CHST3: variants seen among roughly 807,000 people sequenced by gnomAD.
CHST3 encodes carbohydrate sulfotransferase 3, also known as C6ST-1.
Under a neutral mutation model 35.4 loss-of-function variants are expected in CHST3, and 20 were observed. The ratio of observed to expected loss-of-function variants is 0.57; its 90% CI spans 0.40 to 0.82. CHST3 has a LOEUF of 0.82. CHST3 is among the 40% of genes least tolerant of loss of function. The pLI is 0.00. For missense variants in CHST3, 693 were observed against 670.1 expected (o/e 1.03, Z -0.38); for synonymous variants, 334 against 295.9 (o/e 1.13, Z -1.32).
In CHST3 at chr10:71,973,243, G is replaced by A. The variant is rs1407136208; in HGVS notation, c.-108+8549G>A. 5.3e-5 allele frequency among the ~76,000 whole-genome samples: 8 copies of A among 152,300 alleles called. No individual in the cohort carries two copies. The East Asian group carries it at 1.5e-3, about 29-fold the overall frequency. On this transcript the variant is annotated intron_variant, in intron 1 of 2. Transcript: ENST00000373115. ...GCCTCTTGAGGTCATTACCCCATGG[G>A]TATTGGGCTGGGATACTGAGGATGA... is the stretch of plus-strand genomic sequence containing the variant.
At chr10:71,972,326 T>G (rs1839703648) in intron 1 of CHST3, among the ~76,000 whole-genome samples, 2 of 152,228 alleles carry the variant, frequency 1.3e-5, no homozygotes, top group South Asian at 4.2e-4. Context: ...CAGGCATTCA[T>G]TTTCAAACCG....
At chr10:71,966,761 A>T (rs1839635583) in intron 1 of CHST3, among the ~76,000 whole-genome samples, 1 of 152,190 alleles carries the variant, frequency 6.6e-6, no homozygotes, top group Admixed American at 6.5e-5. Flanking sequence ...TATCCCTATG[A>T]GGTTAGCATT....
rs967031495 is a variant in CHST3, at chr10:71,995,223, G to A, written c.-107-10513G>A. 4.6e-5 allele frequency among the ~76,000 whole-genome samples: 7 copies of A among 151,986 alleles called. 1 individual carries two copies. In the Middle Eastern group the frequency reaches 0.01, roughly 222 times the overall value. On this transcript the variant is annotated intron_variant, in intron 1 of 2. Transcript: ENST00000373115. ...GCAGATCACTTAAGGTCAGGAGTTC[G>A]AGACCAGCCTGGCCAACCTGATGAA... is the stretch of plus-strand genomic sequence containing the variant.
intron 1 of CHST3, among the ~76,000 whole-genome samples, chr10:71,987,587 C>T (rs1839860285): frequency 6.6e-6 from 1 of 151,724 alleles, no homozygotes; most frequent in Admixed American, 6.6e-5. Flanking sequence ...GTGGTGGTGC[C>T]TAACTGTAAT....
chr10:71,991,654 C>T (rs762378658), intron 1 of CHST3, among the ~76,000 whole-genome samples: 11 of 152,154 alleles, frequency 7.2e-5, no homozygotes, highest in South Asian at 6.2e-4. Flanking sequence ...TTTACACGGC[C>T]GGGTGCAGTG....
At chr10:72,006,171 C>T (rs1171275097) in intron 2 of CHST3, among the ~76,000 whole-genome samples, 189 bp downstream of exon 2, 1 of 152,144 alleles carries the variant, frequency 6.6e-6, no homozygotes, top group African/African-American at 2.4e-5. Context: ...GAGACTTGGG[C>T]TCTGGACTCA....
Position 72,005,931 on chromosome 10 carries a change from T to G in CHST3, c.89T>G (p.Phe30Cys), listed in dbSNP as rs560427477. The G allele has an allele frequency of 1.6e-5, 26 of 1,614,232 alleles. No individual in the cohort carries two copies. In the South Asian group the frequency reaches 2.7e-4, roughly 17 times the overall value. ...MRSKYALFLVFVVIVFVFIEK... is the reference protein window; with the variant it reads ...MRSKYALFLVCVVIVFVFIEK... ...AGCAAATACGCCCTTTTCTTGGTTT[T>G]TGTGGTGATAGTTTTTGTCTTCATC... Residue 30 changes from phenylalanine to cysteine, a missense_variant, in exon 2 of 3, where the codon TTT becomes TGT. By Grantham distance (205) the Phe-to-Cys change is radical. Coordinates refer to ENST00000373115, the MANE Select transcript of CHST3 (RefSeq NM_004273.5).
chr10:71,987,186 T>C (rs1839854753), intron 1 of CHST3, among the ~76,000 whole-genome samples: 2 of 151,936 alleles, frequency 1.3e-5, no homozygotes, highest in African/African-American at 2.4e-5. Flanking sequence ...CCAAGACCCC[T>C]GTGGCCCCTC....
intron 1 of CHST3, among the ~76,000 whole-genome samples, chr10:71,987,444 T>C (rs1207285022): frequency 6.6e-6 from 1 of 152,110 alleles, no homozygotes; most frequent in African/African-American, 2.4e-5. Context: ...ACCGACGCAG[T>C]GACTCACATC....
In CHST3 at chr10:72,007,262, C is replaced by G; in HGVS notation, c.231C>G (p.Leu77=). 11 of 1,614,274 alleles carry G rather than the reference C, an allele frequency of 6.8e-6. No individual in the cohort carries two copies. Among genetic ancestry groups the G allele is most frequent in the Non-Finnish European group, 9.3e-6 (11 of 1,180,058 alleles). ...PALILAENAS[L]LSLSELDSAF... ...TGATCTTAGCTGAGAACGCATCTCTCTTGTCCCTGAGCGAGCTCGATTCAG... is the reference window on the plus strand; with the variant it reads ...TGATCTTAGCTGAGAACGCATCTCTGTTGTCCCTGAGCGAGCTCGATTCAG... Residue 77 remains leucine (L), a synonymous_variant, in exon 3 of 3, where the codon CTC becomes CTG. Coordinates refer to ENST00000373115, the MANE Select transcript of CHST3 (RefSeq NM_004273.5).
At chr10:71,985,545 AGTT>A (rs1839840051) in intron 1 of CHST3, among the ~76,000 whole-genome samples, 1 of 152,204 alleles carries the variant, frequency 6.6e-6, no homozygotes, top group East Asian at 1.9e-4. Context: ...GAACCCAACT[AGTT>A]CACTCCTCTG....
chr10:71,968,137 C>T (rs1839651119), intron 1 of CHST3, among the ~76,000 whole-genome samples: 1 of 152,134 alleles, frequency 6.6e-6, no homozygotes, highest in South Asian at 2.1e-4. Context: ...TTCTCCACAA[C>T]CTGGCCAGCA....
intron 1 of CHST3, among the ~76,000 whole-genome samples, chr10:71,970,431 C>T (rs1839680840): frequency 6.6e-6 from 1 of 152,218 alleles, no homozygotes; most frequent in South Asian, 2.1e-4. Flanking sequence ...AAGTAAACAA[C>T]CACCTCGGAG....
At chr10:72,004,588 A>C (rs889362626) in intron 1 of CHST3, among the ~76,000 whole-genome samples, 8 of 152,206 alleles carry the variant, frequency 5.3e-5, no homozygotes, top group African/African-American at 1.9e-4. Flanking sequence ...CATAGCAAAC[A>C]TAAGCCTCAC....
intron 1 of CHST3, among the ~76,000 whole-genome samples, chr10:71,994,014 C>T (rs1240193623): frequency 2.6e-5 from 4 of 152,076 alleles, no homozygotes; most frequent in African/African-American, 2.4e-5. Flanking sequence ...GCAGGAGAAT[C>T]GCTTGAACTC....
intron 1 of CHST3, among the ~76,000 whole-genome samples, chr10:71,973,115 C>T (rs1386377643): frequency 6.6e-6 from 1 of 152,146 alleles, no homozygotes; most frequent in East Asian, 1.9e-4. Context: ...TGTGAGGGAG[C>T]GCTTCGAGTC....
intron 1 of CHST3, among the ~76,000 whole-genome samples, chr10:71,990,757 T>C (rs1839890080): frequency 6.6e-6 from 1 of 152,196 alleles, no homozygotes; most frequent in South Asian, 2.1e-4. Context: ...CACACTGGGA[T>C]TCGATTACAA....
chr10:72,004,158 A>G (rs927302095), intron 1 of CHST3, among the ~76,000 whole-genome samples: 7 of 151,986 alleles, frequency 4.6e-5, no homozygotes, highest in Non-Finnish European at 1.5e-5. Flanking sequence ...ACAGAGCGAG[A>G]CTCCATCTCA....
intron 1 of CHST3, among the ~76,000 whole-genome samples, chr10:71,974,807 G>T (rs1489818236): frequency 6.6e-6 from 1 of 152,156 alleles, no homozygotes; most frequent in Non-Finnish European, 1.5e-5. Flanking sequence ...CCAGCTTCCT[G>T]CACTGGGTTC....
Sources: allele counts gnomAD v4.1 joint callset (sites outside exome capture counted in the v4.1 genomes callset), GRCh38; gene constraint gnomAD v4.1.1; transcripts MANE v1.5; gene names NCBI Gene and HGNC (gene_info 2026-07-23, HGNC 2026-07-21).